Variants in ELAPOR1 observed in about 807,000 individuals in gnomAD.
The protein encoded by ELAPOR1 is endosome/lysosome-associated apoptosis and autophagy regulator 1.
In ELAPOR1, 77 loss-of-function variants were observed where a neutral mutation model predicts 119.7. That is an observed-to-expected ratio of 0.64 (90% CI 0.54 to 0.78). The LOEUF is 0.78. Among genes scored for constraint, ELAPOR1 ranks in the 30% least tolerant of loss-of-function variants. The probability of loss-of-function intolerance (pLI) is 0.00; values close to 1 mark genes in which losing one functional copy is unlikely to be tolerated. For synonymous variants in ELAPOR1, 481 were observed against 487.2 expected, an observed-to-expected ratio of 0.99 and a Z score of 0.17; for missense variants, 1,115 against 1,270.4, an observed-to-expected ratio of 0.88 and a Z score of 1.86.
chr1:109,137,243 G>T (rs1372538937), intron 1 of ELAPOR1, among the ~76,000 whole-genome samples: 1 of 152,116 alleles, frequency 6.6e-6, no homozygotes, highest in African/African-American at 2.4e-5. Flanking sequence ...TCACTCTGTT[G>T]CCCAGGCTGG....
intron 8 of ELAPOR1, among the ~76,000 whole-genome samples, chr1:109,185,341 G>A (rs1009521013): frequency 1.3e-5 from 2 of 152,062 alleles, no homozygotes; most frequent in African/African-American, 4.8e-5. Flanking sequence ...TTTTTGCAGC[G>A]TTTGTTTCAC....
At chr1:109,192,983 C>A in intron 14 of ELAPOR1, 109 bp downstream of exon 14, 1 of 1,238,954 alleles carries the variant, frequency 8.1e-7, no homozygotes. Flanking sequence ...GAGTGCTCCC[C>A]CTAGCATACT....
intron 17 of ELAPOR1, 89 bp from the exon 18 acceptor site, chr1:109,198,484 G>A (rs1653964111): frequency 8.5e-7 from 1 of 1,180,394 alleles, no homozygotes; most frequent in South Asian, 1.4e-5. Flanking sequence ...CCCCAGCAAG[G>A]GAATTGCTCC....
In ELAPOR1 at chr1:109,199,522, T is replaced by C. The variant is rs528396917; in HGVS notation, c.2502-332T>C. ...CTGCATCAAAGTGGCTATTGCAAAA[T>C]GTCACAAGTCTGTGGGGAGGACAGG... On this transcript the variant is annotated intron_variant, in intron 18 of 21. Transcript: ENST00000369939. Among the ~76,000 whole-genome samples the C allele has an allele frequency of 1.6e-3, 250 of 152,202 alleles. 2 individuals carry two copies. Among genetic ancestry groups the C allele is most frequent in the African/African-American group, 5.7e-3 (235 of 41,542 alleles).
intron 20 of ELAPOR1, 124 bp downstream of exon 20, chr1:109,200,361 C>T: frequency 4.3e-6 from 5 of 1,150,538 alleles, no homozygotes; most frequent in Non-Finnish European, 6.2e-6. Context: ...GTGACTTATC[C>T]AGTGCATGGT....
intron 1 of ELAPOR1, among the ~76,000 whole-genome samples, chr1:109,114,573 T>C (rs1647862252): frequency 6.6e-6 from 1 of 151,940 alleles, no homozygotes; most frequent in South Asian, 2.1e-4. Context: ...GCGAGAAAGG[T>C]CCCAGCCCCA....
intron 1 of ELAPOR1, among the ~76,000 whole-genome samples, chr1:109,122,204 G>A (rs1648474123): frequency 6.6e-6 from 1 of 151,540 alleles, no homozygotes; most frequent in Non-Finnish European, 1.5e-5. Flanking sequence ...CGAATAGCTG[G>A]GATTACAAGC....
At chr1:109,140,472 C>A (rs369258896) in intron 1 of ELAPOR1, among the ~76,000 whole-genome samples, 9 of 152,314 alleles carry the variant, frequency 5.9e-5, no homozygotes, top group African/African-American at 2.2e-4. Flanking sequence ...GCCATACAAC[C>A]TGACTTGCAT....
chr1:109,157,674 A>G (rs1570656189), intron 1 of ELAPOR1, among the ~76,000 whole-genome samples: 1 of 152,158 alleles, frequency 6.6e-6, no homozygotes, highest in Non-Finnish European at 1.5e-5. Context: ...ACCATGTGGG[A>G]AGGGGCGGTG....
At chr1:109,154,217 G>A (rs1650718365) in intron 1 of ELAPOR1, among the ~76,000 whole-genome samples, 1 of 146,834 alleles carries the variant, frequency 6.8e-6, no homozygotes, top group African/African-American at 2.5e-5. Flanking sequence ...GGAGGCGGAG[G>A]TTGCAGTGAG....
chr1:109,145,549 G>C (rs1004683714), intron 1 of ELAPOR1, among the ~76,000 whole-genome samples: 2 of 152,050 alleles, frequency 1.3e-5, no homozygotes, highest in African/African-American at 4.8e-5. Context: ...TCAGCTACTC[G>C]GGAGGCTGAG....
chr1:109,148,258 TC>T (rs919866495), intron 1 of ELAPOR1, among the ~76,000 whole-genome samples: 3 of 30,782 alleles, frequency 9.7e-5, no homozygotes, highest in African/African-American at 1.7e-4. Context: ...CCTGCCTCAG[TC>T]CCCCGAGTAG....
intron 1 of ELAPOR1, among the ~76,000 whole-genome samples, chr1:109,126,802 C>T (rs191559518): frequency 1.3e-5 from 2 of 152,206 alleles, no homozygotes; most frequent in Admixed American, 6.5e-5. Context: ...GATCATTAGC[C>T]CTCTCCATCT....
intron 3 of ELAPOR1, among the ~76,000 whole-genome samples, chr1:109,170,411 G>A (rs962524986): frequency 6.6e-6 from 1 of 152,150 alleles, no homozygotes; most frequent in African/African-American, 2.4e-5. Context: ...TTATGGCTAT[G>A]AGAAGGAGAG....
intron 1 of ELAPOR1, among the ~76,000 whole-genome samples, chr1:109,120,957 A>G (rs868097537): frequency 2.6e-5 from 4 of 152,262 alleles, no homozygotes; most frequent in Middle Eastern, 3.4e-3. Context: ...TAAAACAGAA[A>G]TGTCACTCAA....
intron 16 of ELAPOR1, 55 bp from the exon 17 acceptor site, chr1:109,197,924 G>A (rs987476182): frequency 5.1e-5 from 73 of 1,432,522 alleles, no homozygotes; most frequent in Non-Finnish European, 7.1e-5. Context: ...AAGAATTGAA[G>A]TGGTTGCCAG....
At chr1:109,171,451 C>T (rs898657244) in intron 3 of ELAPOR1, among the ~76,000 whole-genome samples, 1 of 151,944 alleles carries the variant, frequency 6.6e-6, no homozygotes, top group Non-Finnish European at 1.5e-5. Context: ...ACTCGGGAGG[C>T]TGAGACAGGA....
At chr1:109,120,878 C>G (rs997826874) in intron 1 of ELAPOR1, among the ~76,000 whole-genome samples, 4 of 152,162 alleles carry the variant, frequency 2.6e-5, no homozygotes, top group African/African-American at 9.7e-5. Flanking sequence ...CAGGTGAAAG[C>G]AACTTCTAGG....
rs1654336592 is a variant in ELAPOR1, at chr1:109,203,894, AAAAAAAG to A, written c.*887_*893del. On this transcript the variant is annotated 3_prime_UTR_variant, in exon 22 of 22. Transcript: ENST00000369939. The stretch of plus-strand genomic sequence containing the variant: ...GACTCTGCCTCAAAAAAAAAAAAAA[AAAAAAAG>A]AAAAGCACAAAGAGAGGCAACAAGG... The A allele has an allele frequency of 6.6e-6, 1 of 151,742 alleles. No individual in the cohort carries two copies. Among genetic ancestry groups the A allele is most frequent in the Non-Finnish European group, 1.5e-5 (1 of 67,930 alleles). 9.4% of individuals were successfully genotyped at this position (151,742 alleles called of 1,614,324 possible).
Sources: gnomAD v4.1 joint callset for allele counts (sites outside exome capture counted in the v4.1 genomes callset) on GRCh38, gnomAD v4.1.1 for gene constraint, MANE v1.5 for transcripts, NCBI Gene and HGNC (gene_info 2026-07-23, HGNC 2026-07-21) for gene names.